HNRNPR: variants seen among roughly 807,000 people sequenced by gnomAD.
HNRNPR encodes the protein heterogeneous nuclear ribonucleoprotein R.
In HNRNPR, 4 loss-of-function variants were observed where a neutral mutation model predicts 70.3. That is an observed-to-expected ratio of 0.06 (90% CI 0.03 to 0.13). The LOEUF (loss-of-function observed/expected upper bound fraction) is 0.13. HNRNPR is among the 10% of genes least tolerant of loss of function. The probability of loss-of-function intolerance (pLI) is 1.00; values close to 1 mark genes in which losing one functional copy is unlikely to be tolerated. For missense variants in HNRNPR, 423 were observed against 788.5 expected, an observed-to-expected ratio of 0.54 and a Z score of 5.55; for synonymous variants, 241 against 267.6, an observed-to-expected ratio of 0.90 and a Z score of 0.97.
intron 8 of HNRNPR, among the ~76,000 whole-genome samples, chr1:23,317,085 C>A (rs1645573130): frequency 6.6e-6 from 1 of 152,198 alleles, no homozygotes; most frequent in Non-Finnish European, 1.5e-5. Flanking sequence ...ACCATTAACT[C>A]ATGGCCATTC....
intron 8 of HNRNPR, 74 bp from the exon 9 acceptor site, chr1:23,313,776 A>G: frequency 2.0e-6 from 3 of 1,470,250 alleles, no homozygotes; most frequent in Non-Finnish European, 2.8e-6. Flanking sequence ...TCCTGTCTTC[A>G]TAGCATAGCT....
Position 23,340,935 on chromosome 1 carries a change from G to C in HNRNPR, c.74C>G (p.Thr25Ser). ...CAGTGTCTTGTAGTGTTCTGTGTGA[G>C]TTACACTGGAAGTATCCATTGGTTC... ...EEEPMDTSSV[T>S]HTEHYKTLIE... Residue 25 changes from threonine to serine, a missense_variant, in exon 2 of 11, where the codon ACT (threonine) becomes AGT (serine). By Grantham distance (58) the Thr-to-Ser change is moderately conservative. Coordinates refer to ENST00000302271, the MANE Select transcript of HNRNPR (RefSeq NM_005826.5). The C allele has an allele frequency of 6.2e-7, 1 of 1,612,848 alleles. No individual in the cohort carries two copies. The highest frequency in any genetic ancestry group is 8.5e-7 in the Non-Finnish European group (1 of 1,178,992).
intron 5 of HNRNPR, among the ~76,000 whole-genome samples, chr1:23,332,532 C>A (rs1646280697): frequency 6.7e-6 from 1 of 150,098 alleles, no homozygotes; most frequent in Admixed American, 6.6e-5. Flanking sequence ...GTGAAATCCT[C>A]TTTAGTAAAT....
At position 23,310,838 on chromosome 1, in the gene HNRNPR, CCTT is replaced by C; in HGVS notation, c.1515_1517del (p.Arg506del). ...GTGGTGGTGGAGCACCTCGCCCTCC[CCTT>C]CCTCCTCCTCTTCCTCTTACTGCAT... On this transcript the variant is annotated inframe_deletion, in exon 11 of 11. Coordinates refer to ENST00000302271, the MANE Select transcript of HNRNPR (RefSeq NM_005826.5). This position sits in a 1 kb window ranked among gnomAD's most constrained non-coding sequence, Gnocchi z 6.0. 6.2e-7 allele frequency: 1 copy of C among 1,614,140 alleles called. No individual in the cohort carries two copies. Among genetic ancestry groups the C allele is most frequent in the South Asian group, 1.1e-5 (1 of 91,066 alleles).
chr1:23,340,101 A>G (rs1186915906), intron 2 of HNRNPR, among the ~76,000 whole-genome samples: 1 of 152,146 alleles, frequency 6.6e-6, no homozygotes, highest in Non-Finnish European at 1.5e-5. Context: ...GAGACAATTC[A>G]ATTCTCTCTC....
At chr1:23,335,297 G>C (rs543217674) in intron 4 of HNRNPR, among the ~76,000 whole-genome samples, 9 of 152,238 alleles carry the variant, frequency 5.9e-5, no homozygotes, top group Admixed American at 6.5e-5. Context: ...GGATTTCACA[G>C]GGATGCATGC....
Position 23,311,065 on chromosome 1 carries a change from A to G in HNRNPR, c.1291T>C (p.Tyr431His). 1 of 1,613,494 alleles carries G rather than the reference A, an allele frequency of 6.2e-7. No individual in the cohort carries two copies. Residue 431 changes from tyrosine (Y) to histidine (H), a missense_variant and splice_region_variant, in exon 11 of 11, where the codon TAT becomes CAT. Transcript: ENST00000302271. ...GGAGGGTGGTAGTAATAATCTTCAT[A>G]CCTAGCAAAGTAGAGAAGGGAGAAA... The part of the protein sequence containing the change: ...AARQASRSTA[Y>H]EDYYYHPPPR...
At chr1:23,322,952 A>C (rs1464424940) in intron 6 of HNRNPR, among the ~76,000 whole-genome samples, 2 of 152,198 alleles carry the variant, frequency 1.3e-5, no homozygotes, top group Non-Finnish European at 2.9e-5. Context: ...CAAGTGGTTA[A>C]AGGCCCTAGA....
At position 23,332,720 on chromosome 1, in the gene HNRNPR, C is replaced by A. The variant is rs572408193; in HGVS notation, c.498+798G>T. Among the ~76,000 whole-genome samples the A allele has an allele frequency of 8.3e-3, 1,192 of 144,112 alleles. 25 individuals are homozygous for A. The highest frequency in any genetic ancestry group is 0.028 in the African/African-American group (1,111 of 39,172). The allele number at this position is 144,112 out of a possible 152,430, so 94.5% of individuals were successfully genotyped here. On this transcript the variant is annotated intron_variant, in intron 5 of 10. Coordinates refer to ENST00000302271, the MANE Select transcript of HNRNPR (RefSeq NM_005826.5). ...CCATCTCAAAAAAAAAAAAACAAAA[C>A]CAAACCAAAAAAAAAACAAAACAAA...
Position 23,310,906 on chromosome 1 carries a change from C to T in HNRNPR, c.1450G>A (p.Gly484Arg), listed in dbSNP as rs1645307360. 1.2e-6 allele frequency: 2 copies of T among 1,614,012 alleles called. No individual in the cohort carries two copies. Among genetic ancestry groups the T allele is most frequent in the Non-Finnish European group, 1.7e-6 (2 of 1,180,028 alleles). Residue 484 changes from glycine to arginine, a missense_variant, in exon 11 of 11, where the codon GGA (glycine) becomes AGA (arginine). This residue lies in a region of HNRNPR where 169 missense variants were observed against 195.6 expected (regional missense o/e 0.86). Coordinates refer to ENST00000302271, the MANE Select transcript of HNRNPR (RefSeq NM_005826.5). This position sits in a 1 kb window ranked among gnomAD's most constrained non-coding sequence, Gnocchi z 6.0. ...YYGYDYHDYR[G>R]GYEDPYYGYD... ...CCGTAGTAGGGATCTTCATAGCCTC[C>T]ACGATAGTCGTGATAATCATAACCA...
At chr1:23,315,809 A>C (rs1272896176) in intron 8 of HNRNPR, among the ~76,000 whole-genome samples, 1 of 152,200 alleles carries the variant, frequency 6.6e-6, no homozygotes, top group Non-Finnish European at 1.5e-5. Context: ...GAAAAAAACT[A>C]ACATTTTCCA....
chr1:23,339,679 C>T (rs1390407378), intron 2 of HNRNPR, among the ~76,000 whole-genome samples: 1 of 152,090 alleles, frequency 6.6e-6, no homozygotes, highest in Non-Finnish European at 1.5e-5. Flanking sequence ...TCCAAAGTTA[C>T]TTTTTAAAAA....
At chr1:23,326,556 G>A (rs1217211308) in intron 5 of HNRNPR, among the ~76,000 whole-genome samples, 2 of 152,062 alleles carry the variant, frequency 1.3e-5, no homozygotes, top group East Asian at 1.9e-4. Flanking sequence ...AGGCTGAGAC[G>A]GGCGGAATAC....
chr1:23,344,188 C>G (rs918135851), intron 1 of HNRNPR, 23 bp downstream of exon 1: 4 of 152,226 alleles, frequency 2.6e-5, no homozygotes, highest in Non-Finnish European at 5.9e-5. Context: ...GCCCCTCCCC[C>G]CACGGGCCGG....
rs1350974795 is a variant in HNRNPR at position 23,333,740 on chromosome 1, T to C, written c.385-109A>G. 3 of 595,666 alleles carry C rather than the reference T, an allele frequency of 5.0e-6. No homozygotes were observed. In the East Asian group the frequency reaches 8.2e-5, roughly 16 times the overall value. The allele number at this position is 595,666 out of a possible 1,614,324, so 36.9% of individuals were successfully genotyped here. ...CTCCAACTTCCTAGGAGATATATTT[T>C]TATGGTTAGGTAAAAAAAAAAGTCA... On this transcript the variant is annotated intron_variant, in intron 4 of 10. Coordinates refer to ENST00000302271, the MANE Select transcript of HNRNPR (RefSeq NM_005826.5).
At chr1:23,324,597 A>G (rs1270559127) in intron 5 of HNRNPR, among the ~76,000 whole-genome samples, 2 of 151,890 alleles carry the variant, frequency 1.3e-5, no homozygotes, top group African/African-American at 4.8e-5. Context: ...ATAAAAAGCA[A>G]TCTCAATATT....
In HNRNPR at chr1:23,318,426, T is replaced by C. The variant is rs1645633407; in HGVS notation, c.1017+57A>G. 4.3e-6 allele frequency: 6 copies of C among 1,388,418 alleles called. No individual in the cohort carries two copies. The highest frequency in any genetic ancestry group is 6.1e-6 in the Non-Finnish European group (6 of 981,822). 86.0% of individuals were successfully genotyped at this position (1,388,418 alleles called of 1,614,324 possible). Reference sequence around the variant, plus strand: ...TAAAACTCAAAATATTTGAGCTTTATTCTGAGTACAAAATTTAAATGATGA... The same window carrying C: ...TAAAACTCAAAATATTTGAGCTTTACTCTGAGTACAAAATTTAAATGATGA... On this transcript the variant is annotated intron_variant, in intron 8 of 10. Transcript: ENST00000302271. This position sits in a 1 kb window ranked among gnomAD's most constrained non-coding sequence, Gnocchi z 4.2.
chr1:23,330,345 G>A (rs1356153020), intron 5 of HNRNPR, among the ~76,000 whole-genome samples: 9 of 152,064 alleles, frequency 5.9e-5, no homozygotes, highest in Non-Finnish European at 1.0e-4. Flanking sequence ...GACCAGCCTG[G>A]CCAACATGGT....
rs977174646 is a variant in HNRNPR at position 23,335,366 on chromosome 1, CAG to C, written c.385-1737_385-1736del. Among the ~76,000 whole-genome samples the C allele has an allele frequency of 2.5e-4, 38 of 152,246 alleles. 2 individuals are homozygous for C. The highest frequency in any genetic ancestry group is 5.9e-5 in the Non-Finnish European group (4 of 68,046). ...ACAGAGCCATAAATGTAATATAAAA[CAG>C]GGGTCCCCACACCCCTGGGCCACAG... On this transcript the variant is annotated intron_variant, in intron 4 of 10. Coordinates refer to ENST00000302271, the MANE Select transcript of HNRNPR (RefSeq NM_005826.5).
Sources: gnomAD v4.1 joint callset for allele counts (sites outside exome capture counted in the v4.1 genomes callset) on GRCh38, gnomAD v4.1.1 for gene constraint, gnomAD v4.1.1 regional missense constraint, Gnocchi (gnomAD v3.1) non-coding constraint, MANE v1.5 for transcripts, NCBI Gene and HGNC (gene_info 2026-07-23, HGNC 2026-07-21) for gene names.